The following PLA1A variants were observed in gnomAD, a reference collection of about 807,000 sequenced individuals.
The protein encoded by PLA1A is phosphatidylserine-specific phospholipase A1alpha.
In PLA1A, 47 loss-of-function variants were observed where a neutral mutation model predicts 49.4. The observed-to-expected ratio is 0.95, with a 90% CI of 0.75 to 1.21. PLA1A has a LOEUF of 1.21. Among genes scored for constraint, PLA1A ranks in the 50% most tolerant of loss-of-function variants. The pLI is 0.00. For synonymous variants in PLA1A, 224 were observed against 207.9 expected, an observed-to-expected ratio of 1.08 and a Z score of -0.67; for missense variants, 561 against 563.9, an observed-to-expected ratio of 0.99 and a Z score of 0.05.
At chr3:119,612,041 G>A (rs1053187722) in intron 4 of PLA1A, among the ~76,000 whole-genome samples, 1 of 152,172 alleles carries the variant, frequency 6.6e-6, no homozygotes, top group African/African-American at 2.4e-5. Context: ...GTTAATAAGG[G>A]ACTGGAGTTG....
Position 119,618,028 on chromosome 3 carries a change from A to G in PLA1A, c.764A>G (p.Tyr255Cys). ...TTTTTTCTCTGTTCAGGTTATAGTTATCTGATCTGTGATCACATGAGGGCT... is the reference window on the plus strand; with the variant it reads ...TTTTTTCTCTGTTCAGGTTATAGTTGTCTGATCTGTGATCACATGAGGGCT... Reference protein sequence around the residue: ...CPTFFYAGYSYLICDHMRAVH... With the variant: ...CPTFFYAGYSCLICDHMRAVH... The change falls in exon 7 of 11, where the codon TAT becomes TGT. Residue 255 changes from tyrosine to cysteine, a missense_variant. Transcript: ENST00000273371. 2 of 1,611,668 alleles carry G rather than the reference A, an allele frequency of 1.2e-6. No homozygotes were observed. Among genetic ancestry groups the G allele is most frequent in the Non-Finnish European group, 1.7e-6 (2 of 1,178,920 alleles).
In PLA1A at chr3:119,606,855, A is replaced by C. The variant is rs769137788; in HGVS notation, c.155A>C (p.Gln52Pro). 6.2e-7 allele frequency: 1 copy of C among 1,614,192 alleles called. No homozygotes were observed. Among genetic ancestry groups the C allele is most frequent in the South Asian group, 1.1e-5 (1 of 91,076 alleles). ...NLFEGTDLKV[Q>P]FLLFVPSNPS... is the part of the protein sequence containing the mutation. ...TTTGAAGGCACCGATCTCAAAGTCC[A>C]GTTTCTCCTCTTTGTCCCTTCGAAT... The change falls in exon 2 of 11, where the codon CAG becomes CCG. Residue 52 changes from glutamine to proline, a missense_variant. Physicochemically the swap from Gln to Pro is moderately conservative, Grantham distance 76. Coordinates refer to ENST00000273371, the MANE Select transcript of PLA1A (RefSeq NM_015900.4).
chr3:119,605,657 T>C (rs2082676533), intron 1 of PLA1A, among the ~76,000 whole-genome samples: 2 of 152,226 alleles, frequency 1.3e-5, no homozygotes, highest in Non-Finnish European at 2.9e-5. Context: ...CTGCTGCTCC[T>C]GCCAGTCTCC....
chr3:119,622,887 C>T (rs566888559), intron 8 of PLA1A, among the ~76,000 whole-genome samples: 1 of 152,262 alleles, frequency 6.6e-6, no homozygotes, highest in Admixed American at 6.5e-5. Flanking sequence ...AGTGCAGTGG[C>T]ACGATCTTGA....
intron 6 of PLA1A, 134 bp downstream of exon 6, chr3:119,616,235 T>A: frequency 1.5e-6 from 1 of 673,472 alleles, no homozygotes; most frequent in South Asian, 1.7e-5. Flanking sequence ...CCCATAACGC[T>A]TTACTCAGAA....
At position 119,629,534 on chromosome 3, in the gene PLA1A, G is replaced by T; in HGVS notation, c.*66G>T. 1.2e-6 allele frequency: 1 copy of T among 832,496 alleles called. No homozygotes were observed. Among genetic ancestry groups the T allele is most frequent in the Admixed American group, 1.8e-5 (1 of 56,988 alleles). 51.6% of individuals were successfully genotyped at this position (832,496 alleles called of 1,614,324 possible). A position where few individuals can be genotyped will look rare whatever the true frequency, so the allele number is the denominator to read the frequency against. Reference sequence around the variant, plus strand: ...TTTTTTGAGAGAGAGGTGTGATGAGGGATGTGTGTGTGCAGCTTATTGTAG... The same window carrying T: ...TTTTTTGAGAGAGAGGTGTGATGAGTGATGTGTGTGTGCAGCTTATTGTAG... On this transcript the variant is annotated 3_prime_UTR_variant, in exon 11 of 11. Coordinates refer to ENST00000273371, the MANE Select transcript of PLA1A (RefSeq NM_015900.4).
Position 119,628,758 on chromosome 3 carries a change from G to T in PLA1A, c.1179G>T (p.Gln393His), listed in dbSNP as rs1271487055. 6.2e-7 allele frequency: 1 copy of T among 1,614,004 alleles called. No homozygotes were observed. The highest frequency in any genetic ancestry group is 8.5e-7 in the Non-Finnish European group (1 of 1,179,968). ...GIIAHATPQC[Q>H]INQVKFKFQS... Reference sequence around the variant, plus strand: ...TAGCCCATGCCACCCCACAATGCCAGATAAACCAAGTGAAATTCAAGTTTC... The same window carrying T: ...TAGCCCATGCCACCCCACAATGCCATATAAACCAAGTGAAATTCAAGTTTC... Residue 393 changes from glutamine (Q) to histidine (H), a missense_variant, in exon 10 of 11, where the codon CAG becomes CAT. Gln to His is a conservative substitution (Grantham distance 24, BLOSUM62 0). Transcript: ENST00000273371.
At position 119,610,559 on chromosome 3, in the gene PLA1A, T is replaced by C. The variant is rs1420702724; in HGVS notation, c.562+983T>C. ...AGATGGTATATCATGGTGTGATGAT[T>C]AGTGATGTTGAGCATTTTTTCAAAT... On this transcript the variant is annotated intron_variant, in intron 4 of 10. Coordinates refer to ENST00000273371, the MANE Select transcript of PLA1A (RefSeq NM_015900.4). Among the ~76,000 whole-genome samples the C allele has an allele frequency of 7.2e-5, 11 of 152,258 alleles. No homozygotes were observed. The East Asian group carries it at 1.9e-3, about 27-fold the overall frequency.
At chr3:119,622,627 T>A (rs894029111) in intron 8 of PLA1A, among the ~76,000 whole-genome samples, 12 of 152,186 alleles carry the variant, frequency 7.9e-5, no homozygotes, top group African/African-American at 2.7e-4. Flanking sequence ...TTCCCCAATG[T>A]TAGCCCATAA....
chr3:119,608,762 CT>C lies in PLA1A; in HGVS notation c.276-7del, dbSNP rs768869454. On this transcript the variant is annotated splice_region_variant and splice_polypyrimidine_tract_variant and intron_variant, in intron 2 of 10. Transcript: ENST00000273371. ...AATTTTTCCATTCTTTTTTGGCCCCCTGTCTAGGGTTTTAGGAACAAAGCCT... is the reference window on the plus strand; with the variant it reads ...AATTTTTCCATTCTTTTTTGGCCCCCGTCTAGGGTTTTAGGAACAAAGCCT... The C allele has an allele frequency of 1.2e-6, 2 of 1,604,764 alleles. No homozygotes were observed. The highest frequency in any genetic ancestry group is 1.7e-5 in the Admixed American group (1 of 59,112).
chr3:119,615,708 T>G, intron 5 of PLA1A, among the ~76,000 whole-genome samples: 1 of 151,770 alleles, frequency 6.6e-6, no homozygotes, highest in East Asian at 1.9e-4. Flanking sequence ...CAGCTACTCC[T>G]GCTGAGGCAG....
chr3:119,600,503 C>T (rs558222244), intron 1 of PLA1A: 50 of 677,514 alleles, frequency 7.4e-5, no homozygotes, highest in Non-Finnish European at 1.2e-4. Context: ...TCCCTTTCTC[C>T]GCTAGACTTT....
At chr3:119,621,318 A>G (rs1311441126) in intron 8 of PLA1A, among the ~76,000 whole-genome samples, 1 of 152,238 alleles carries the variant, frequency 6.6e-6, no homozygotes, top group Non-Finnish European at 1.5e-5. Flanking sequence ...CACCTTCAGA[A>G]GCGTAGCCCT....
rs554053858 is a variant in PLA1A at position 119,620,958 on chromosome 3, TCAC to T, written c.1012+1315_1012+1317del. ...TGACTGTAAACTCTATACTCCTTCC[TCAC>T]CACCACCATGCTTCCATCTTCTGAG... is the stretch of plus-strand genomic sequence containing the variant. On this transcript the variant is annotated intron_variant, in intron 8 of 10. Coordinates refer to ENST00000273371, the MANE Select transcript of PLA1A (RefSeq NM_015900.4). Among the ~76,000 whole-genome samples, 16 of 152,316 alleles carry T rather than the reference TCAC, an allele frequency of 1.1e-4. 1 individual carries two copies. The East Asian group carries it at 3.1e-3, about 29-fold the overall frequency.
intron 2 of PLA1A, 24 bp downstream of exon 2, chr3:119,606,999 A>G: frequency 1.3e-6 from 2 of 1,553,880 alleles, no homozygotes; most frequent in African/African-American, 2.7e-5. Context: ...AACCAACAGG[A>G]CTTCTCAACT....
At chr3:119,610,176 T>C (rs2692612) in intron 4 of PLA1A, among the ~76,000 whole-genome samples, 41,531 of 152,184 alleles carry the variant, frequency 0.27, 6,851 homozygotes, top group East Asian at 0.47. Flanking sequence ...TATAGCTGTG[T>C]AGAATTCCAT....
At chr3:119,605,839 A>G (rs2082679029) in intron 1 of PLA1A, among the ~76,000 whole-genome samples, 1 of 152,244 alleles carries the variant, frequency 6.6e-6, no homozygotes, top group African/African-American at 2.4e-5. Context: ...CCTTTGCCAG[A>G]GAATTTCCAT....
intron 9 of PLA1A, among the ~76,000 whole-genome samples, chr3:119,627,652 G>A (rs150969431): frequency 8.3e-4 from 126 of 152,200 alleles, no homozygotes; most frequent in African/African-American, 2.8e-3. Flanking sequence ...CGAGAGGAAC[G>A]CAGCGCCCTC....
At chr3:119,625,785 C>T (rs1171620355) in intron 9 of PLA1A, among the ~76,000 whole-genome samples, 2 of 152,148 alleles carry the variant, frequency 1.3e-5, no homozygotes, top group African/African-American at 4.8e-5. Flanking sequence ...CATTCCCTTC[C>T]TTTGTTGGGG....
Sources: gnomAD v4.1 joint callset for allele counts (sites outside exome capture counted in the v4.1 genomes callset) on GRCh38, gnomAD v4.1.1 for gene constraint, MANE v1.5 for transcripts, NCBI Gene and HGNC (gene_info 2026-07-23, HGNC 2026-07-21) for gene names.